Variants in PTPRK observed in about 807,000 individuals in gnomAD.
The protein encoded by PTPRK is protein tyrosine phosphatase receptor type K, also known as receptor-type tyrosine-protein phosphatase kappa.
In PTPRK, 75 loss-of-function variants were observed where a neutral mutation model predicts 178.0. The ratio of observed to expected loss-of-function variants is 0.42; its 90% CI spans 0.35 to 0.51. PTPRK has a LOEUF of 0.51. Among genes scored for constraint, PTPRK ranks in the 20% least tolerant of loss-of-function variants. The pLI, the probability that PTPRK is intolerant of heterozygous loss-of-function variation, is 0.02. For synonymous variants in PTPRK, 637 were observed against 620.6 expected, an observed-to-expected ratio of 1.03 and a Z score of -0.39; for missense variants, 1,441 against 1,797.8, an observed-to-expected ratio of 0.80 and a Z score of 3.59.
intron 17 of PTPRK, 22 bp from the exon 18 acceptor site, chr6:127,995,560 T>C (rs1777056389): frequency 1.4e-6 from 2 of 1,434,746 alleles, no homozygotes; most frequent in South Asian, 2.6e-5. Context: ...AAATAATAAA[T>C]ATAAGCTGTT....
intron 1 of PTPRK, among the ~76,000 whole-genome samples, chr6:128,459,764 T>C (rs1848804431): frequency 6.6e-6 from 1 of 152,232 alleles, no homozygotes; most frequent in African/African-American, 2.4e-5. Context: ...TCAAAGAGGT[T>C]GTATTAGTCT....
At chr6:128,318,105 G>T (rs1042933338) in intron 3 of PTPRK, among the ~76,000 whole-genome samples, 3 of 152,118 alleles carry the variant, frequency 2.0e-5, no homozygotes, top group Non-Finnish European at 4.4e-5. Flanking sequence ...GATGAATGCA[G>T]ATCAGCAAAA....
At chr6:128,029,619 A>G (rs2114791350) in intron 13 of PTPRK, among the ~76,000 whole-genome samples, 1 of 149,308 alleles carries the variant, frequency 6.7e-6, no homozygotes, top group East Asian at 2.0e-4. Flanking sequence ...CCTGGGTGAC[A>G]GAGTGAGATT....
chr6:128,395,312 T>A (rs1840155208), intron 2 of PTPRK, among the ~76,000 whole-genome samples: 1 of 152,210 alleles, frequency 6.6e-6, no homozygotes. Context: ...CTCTGCATGA[T>A]TAATTACTTA....
At chr6:128,407,739 T>A (rs902954112) in intron 1 of PTPRK, among the ~76,000 whole-genome samples, 1 of 151,494 alleles carries the variant, frequency 6.6e-6, no homozygotes, top group African/African-American at 2.4e-5. Context: ...CAATTTTCCC[T>A]CCAGCCCTTG....
intron 4 of PTPRK, 122 bp downstream of exon 4, chr6:128,242,399 G>A: frequency 7.7e-7 from 1 of 1,297,756 alleles, no homozygotes. Flanking sequence ...TCAATAGAAG[G>A]CTAGGACTAA....
intron 13 of PTPRK, among the ~76,000 whole-genome samples, chr6:128,052,527 G>T (rs989323609): frequency 4.6e-5 from 7 of 152,142 alleles, no homozygotes; most frequent in African/African-American, 1.2e-4. Context: ...ATTTGGATTT[G>T]TCTGATATTT....
intron 7 of PTPRK, among the ~76,000 whole-genome samples, chr6:128,113,828 T>C (rs1052245136): frequency 2.0e-5 from 3 of 152,090 alleles, no homozygotes; most frequent in South Asian, 2.1e-4. Flanking sequence ...TCTAAATACA[T>C]ACAAAGTATA....
chr6:128,397,296 A>C (rs1180361869), intron 2 of PTPRK, among the ~76,000 whole-genome samples: 1 of 151,252 alleles, frequency 6.6e-6, no homozygotes, highest in Non-Finnish European at 1.5e-5. Context: ...TTTTTCTTTT[A>C]TTTTTTGATT....
chr6:127,988,180 TGGGGAAGAGAGGAAGAG>T (rs71028112), intron 21 of PTPRK, among the ~76,000 whole-genome samples: 64 of 148,314 alleles, frequency 4.3e-4, no homozygotes, highest in Non-Finnish European at 6.7e-4. Context: ...TGTGTGTGCA[TGGGGAAGAGAGGAAGAG>T]GGGGAAGAGA....
chr6:128,082,791 C>T (rs563265379), intron 9 of PTPRK, among the ~76,000 whole-genome samples, 153 bp from the exon 10 acceptor site: 109 of 151,760 alleles, frequency 7.2e-4, no homozygotes, highest in African/African-American at 2.4e-3. Flanking sequence ...ATTGTTATTT[C>T]TGTCATTCTG....
intron 3 of PTPRK, among the ~76,000 whole-genome samples, chr6:128,248,363 T>A (rs575201443): frequency 5.3e-5 from 8 of 152,224 alleles, no homozygotes; most frequent in Non-Finnish European, 1.0e-4. Context: ...CCTTAAACAT[T>A]GTAGTTCCAC....
Position 128,322,158 on chromosome 6 carries a change from A to G in PTPRK, c.376T>C (p.Leu126=). The part of the protein sequence containing the change: ...KGLNPGTLNI[L]VRVNKGPLAN... Reference sequence around the variant, plus strand: ...AGAGGTCCTTTATTCACCCTAACTAATATGTTCAAAGTGCCAGGATTCAGT... The same window carrying G: ...AGAGGTCCTTTATTCACCCTAACTAGTATGTTCAAAGTGCCAGGATTCAGT... Residue 126 remains leucine, a synonymous_variant, in exon 3 of 30, where the codon TTA becomes CTA. Transcript: ENST00000368226. The G allele has an allele frequency of 1.9e-6, 3 of 1,613,866 alleles. No homozygotes were observed. The highest frequency in any genetic ancestry group is 2.5e-6 in the Non-Finnish European group (3 of 1,179,872).
At chr6:128,100,572 C>A (rs950950255) in intron 7 of PTPRK, among the ~76,000 whole-genome samples, 2 of 151,920 alleles carry the variant, frequency 1.3e-5, no homozygotes, top group African/African-American at 4.8e-5. Context: ...TCACCTTTCT[C>A]TTTTCATGTT....
chr6:128,102,275 C>A (rs1788920784), intron 7 of PTPRK, among the ~76,000 whole-genome samples: 1 of 152,118 alleles, frequency 6.6e-6, no homozygotes, highest in Non-Finnish European at 1.5e-5. Context: ...GCTTAGAATT[C>A]AAAGGTGAAT....
chr6:128,090,360 G>A (rs1398504470), intron 7 of PTPRK, among the ~76,000 whole-genome samples: 1 of 152,036 alleles, frequency 6.6e-6, no homozygotes, highest in African/African-American at 2.4e-5. Context: ...TATCAAAATG[G>A]ATAAGACTCA....
intron 2 of PTPRK, 87 bp from the exon 3 acceptor site, chr6:128,322,397 G>A (rs2128321343): frequency 7.7e-7 from 1 of 1,304,226 alleles, no homozygotes; most frequent in Non-Finnish European, 1.1e-6. Context: ...TCCATTCTGA[G>A]CATTAAATTT....
chr6:128,390,482 A>G (rs1839398558), intron 2 of PTPRK, among the ~76,000 whole-genome samples: 3 of 152,160 alleles, frequency 2.0e-5, no homozygotes, highest in Admixed American at 1.3e-4. Flanking sequence ...CAAATTGTGG[A>G]AAGAAGTATT....
At chr6:128,379,395 C>T (rs975650467) in intron 2 of PTPRK, among the ~76,000 whole-genome samples, 1 of 152,154 alleles carries the variant, frequency 6.6e-6, no homozygotes, top group Admixed American at 6.5e-5. Flanking sequence ...ATTACCAACA[C>T]AATACACTTG....
Sources: gnomAD v4.1 joint callset for allele counts (sites outside exome capture counted in the v4.1 genomes callset) on GRCh38, gnomAD v4.1.1 for gene constraint, MANE v1.5 for transcripts, NCBI Gene and HGNC (gene_info 2026-07-23, HGNC 2026-07-21) for gene names.